The following MYO3B variants were observed in gnomAD, a reference collection of about 807,000 sequenced individuals.
The protein encoded by MYO3B is myosin-IIIb.
Under a neutral mutation model 174.6 loss-of-function variants are expected in MYO3B, and 156 were observed. The ratio of observed to expected loss-of-function variants is 0.89; its 90% confidence interval spans 0.78 to 1.02. MYO3B has a LOEUF of 1.02. MYO3B is among the 50% of genes least tolerant of loss of function. MYO3B has a pLI of 0.00. For missense variants in MYO3B, 1,632 were observed against 1,639.4 expected (o/e 1.00, Z 0.08); for synonymous variants, 563 against 569.1 (o/e 0.99, Z 0.15).
chr2:170,313,250 A>C (rs2093751687), intron 7 of MYO3B, among the ~76,000 whole-genome samples: 1 of 152,168 alleles, frequency 6.6e-6, no homozygotes, highest in Admixed American at 6.5e-5. Context: ...CCCTCTGTAA[A>C]ATAAGGGTTA....
intron 7 of MYO3B, among the ~76,000 whole-genome samples, chr2:170,257,350 C>T (rs548489322): frequency 6.6e-5 from 10 of 152,082 alleles, no homozygotes; most frequent in East Asian, 5.8e-4. Flanking sequence ...AGACAAGTCT[C>T]GATAAATTCA....
intron 1 of MYO3B, among the ~76,000 whole-genome samples, chr2:170,181,143 GATTA>G: frequency 6.6e-6 from 1 of 152,104 alleles, no homozygotes; most frequent in African/African-American, 2.4e-5. Context: ...TCTGTTTAAT[GATTA>G]AAGTTAATTT....
intron 25 of MYO3B, among the ~76,000 whole-genome samples, chr2:170,474,591 T>A (rs1575038927): frequency 2.0e-5 from 3 of 148,368 alleles, no homozygotes; most frequent in Admixed American, 6.7e-5. Flanking sequence ...AAAAAAATAA[T>A]AATAAGCCAG....
intron 32 of MYO3B, among the ~76,000 whole-genome samples, chr2:170,559,485 A>G (rs1691566734): frequency 6.6e-6 from 1 of 152,196 alleles, no homozygotes; most frequent in Non-Finnish European, 1.5e-5. Context: ...TAAGGCACAT[A>G]AAGCCATGCC....
At chr2:170,646,763 G>T (rs1480311688) in intron 32 of MYO3B, 1 of 378,634 alleles carries the variant, frequency 2.6e-6, no homozygotes, top group Admixed American at 4.2e-5. Context: ...TTTCTCTGGG[G>T]CCCCTCCCAC....
At chr2:170,319,491 GA>G (rs2093799960) in intron 7 of MYO3B, among the ~76,000 whole-genome samples, 2 of 151,786 alleles carry the variant, frequency 1.3e-5, no homozygotes, top group Non-Finnish European at 2.9e-5. Context: ...AACACAGAGG[GA>G]AAAAAAGACA....
intron 25 of MYO3B, among the ~76,000 whole-genome samples, chr2:170,495,266 T>C (rs1441816886): frequency 6.6e-6 from 1 of 152,214 alleles, no homozygotes; most frequent in African/African-American, 2.4e-5. Context: ...AGCCTTTACA[T>C]TGAAGTACAC....
chr2:170,515,206 A>G (rs1238282621), intron 29 of MYO3B, among the ~76,000 whole-genome samples, 184 bp downstream of exon 29: 3 of 152,210 alleles, frequency 2.0e-5, no homozygotes, highest in Non-Finnish European at 2.9e-5. Context: ...GGGTGATTTC[A>G]TAGAAGGGAA....
chr2:170,334,502 G>A (rs1405715122), intron 7 of MYO3B: 2 of 152,080 alleles, frequency 1.3e-5, no homozygotes, highest in African/African-American at 2.4e-5. Flanking sequence ...ACATATGATG[G>A]CTTTAAAATT....
At chr2:170,586,620 C>T (rs1004617829) in intron 32 of MYO3B, among the ~76,000 whole-genome samples, 2 of 152,090 alleles carry the variant, frequency 1.3e-5, no homozygotes, top group Non-Finnish European at 2.9e-5. Flanking sequence ...AGAAATGGCT[C>T]ATTATTTTTC....
intron 32 of MYO3B, among the ~76,000 whole-genome samples, chr2:170,554,543 A>G (rs1691154348): frequency 6.6e-6 from 1 of 152,260 alleles, no homozygotes; most frequent in South Asian, 2.1e-4. Flanking sequence ...TCCTGAGGCC[A>G]CATACCTCAG....
chr2:170,401,264 T>G (rs951091658), intron 17 of MYO3B, among the ~76,000 whole-genome samples: 1 of 152,212 alleles, frequency 6.6e-6, no homozygotes, highest in African/African-American at 2.4e-5. Flanking sequence ...CTTCCTTTTT[T>G]TTCATCAAGC....
chr2:170,420,401 C>A (rs2094606921), intron 22 of MYO3B, among the ~76,000 whole-genome samples: 1 of 152,066 alleles, frequency 6.6e-6, no homozygotes, highest in African/African-American at 2.4e-5. Context: ...CCACAGAGAA[C>A]TGAGATGTCT....
At chr2:170,401,793 T>C (rs2094477959) in intron 18 of MYO3B, 102 bp downstream of exon 18, 5 of 1,032,926 alleles carry the variant, frequency 4.8e-6, no homozygotes, top group Non-Finnish European at 6.8e-6. Flanking sequence ...TGGGATTTTC[T>C]TTCTTTTTCT....
rs535550738 is a variant in MYO3B, at chr2:170,617,491, G to A, written c.3734-34137G>A. ...AACTTTTAAGTGGTATAGTTTTGTT[G>A]GACTCCATATAGAGAGTATATACAT... is the stretch of plus-strand genomic sequence containing the variant. On this transcript the variant is annotated intron_variant, in intron 32 of 34. Transcript: ENST00000408978. Among the ~76,000 whole-genome samples, 13 of 152,194 alleles carry A rather than the reference G, an allele frequency of 8.5e-5. No individual in the cohort carries two copies. In the South Asian group the frequency reaches 2.7e-3, roughly 32 times the overall value.
rs941857271 is a variant in MYO3B at position 170,199,282 on chromosome 2, C to A, written c.77C>A (p.Thr26Asn). Residue 26 changes from threonine (T) to asparagine (N), a missense_variant, in exon 2 of 35, where the codon ACC (threonine) becomes AAC (asparagine). Coordinates refer to ENST00000408978, the MANE Select transcript of MYO3B (RefSeq NM_138995.5). ...GAATCACTTCCAGATCCCACAGACA[C>A]CTGGGAAATTATAGAGACCATTGGT... ...GLESLPDPTD[T>N]WEIIETIGKG... The A allele has an allele frequency of 1.2e-6, 2 of 1,613,210 alleles. No homozygotes were observed. The highest frequency in any genetic ancestry group is 2.2e-5 in the South Asian group (2 of 91,038).
Position 170,329,230 on chromosome 2 carries a change from A to AGTGTGT in MYO3B, c.750-6130_750-6125dup, listed in dbSNP as rs72422629. Among the ~76,000 whole-genome samples the AGTGTGT allele has an allele frequency of 3.5e-3, 526 of 148,654 alleles. 3 individuals are homozygous for AGTGTGT. The highest frequency in any genetic ancestry group is 0.011 in the African/African-American group (443 of 40,124). On this transcript the variant is annotated intron_variant, in intron 7 of 34. Transcript: ENST00000408978. ...ACATTTACTTACAACACAGAAAAAC[A>AGTGTGT]GTGTGTGTGTGTGTGTGTGTGTGTG...
At position 170,391,556 on chromosome 2, in the gene MYO3B, T is replaced by C; in HGVS notation, c.1614T>C (p.Tyr538=). 1.9e-6 allele frequency: 3 copies of C among 1,576,190 alleles called. No homozygotes were observed. Among genetic ancestry groups the C allele is most frequent in the Non-Finnish European group, 1.7e-6 (2 of 1,164,806 alleles). The change falls in exon 15 of 35, where the codon TAT becomes TAC. Residue 538 remains tyrosine, a synonymous_variant. Coordinates refer to ENST00000408978, the MANE Select transcript of MYO3B (RefSeq NM_138995.5). The stretch of plus-strand genomic sequence containing the variant: ...ATTTTCATATATTTTACTATATTTA[T>C]GCTGGTCTTCATCACCAAAAGAAGC... The part of the protein sequence containing the change: ...EKNFHIFYYI[Y]AGLHHQKKLS...
chr2:170,248,898 C>A (rs2093221221), intron 7 of MYO3B, among the ~76,000 whole-genome samples: 1 of 152,228 alleles, frequency 6.6e-6, no homozygotes, highest in African/African-American at 2.4e-5. Flanking sequence ...GCTTACAATG[C>A]CTCCCAAAGT....
Sources: allele counts gnomAD v4.1 joint callset (sites outside exome capture counted in the v4.1 genomes callset), GRCh38; gene constraint gnomAD v4.1.1; transcripts MANE v1.5; gene names NCBI Gene and HGNC (gene_info 2026-07-23, HGNC 2026-07-21).